CDK5RAP2: variants seen among roughly 807,000 people sequenced by gnomAD.
CDK5RAP2 encodes the protein CDK5 regulatory subunit-associated protein 2.
In CDK5RAP2, 147 loss-of-function variants were observed where a neutral mutation model predicts 232.9. That is an observed-to-expected ratio of 0.63 (90% CI 0.55 to 0.72). The LOEUF (loss-of-function observed/expected upper bound fraction) is 0.72. Ranked by LOEUF, CDK5RAP2 falls within the 30% of genes least tolerant of loss-of-function variation. The pLI is 0.00. For synonymous variants in CDK5RAP2, 833 were observed against 833.7 expected, an observed-to-expected ratio of 1.00 and a Z score of 0.01; for missense variants, 2,195 against 2,231.5, an observed-to-expected ratio of 0.98 and a Z score of 0.33.
chr9:120,484,683 C>T (rs2038499254), intron 14 of CDK5RAP2, among the ~76,000 whole-genome samples: 1 of 152,028 alleles, frequency 6.6e-6, no homozygotes, highest in African/African-American at 2.4e-5. Flanking sequence ...AAGGTCATGG[C>T]ACTGCACTCC....
At position 120,563,480 on chromosome 9, in the gene CDK5RAP2, T is replaced by C. The variant is rs140370898; in HGVS notation, c.195+4841A>G. Among the ~76,000 whole-genome samples the C allele has an allele frequency of 5.0e-3, 759 of 152,204 alleles. 7 individuals are homozygous for C. Among genetic ancestry groups the C allele is most frequent in the Non-Finnish European group, 7.0e-3 (478 of 67,992 alleles). On this transcript the variant is annotated intron_variant, in intron 3 of 37. Coordinates refer to ENST00000349780, the MANE Select transcript of CDK5RAP2 (RefSeq NM_018249.6). ...GCAGTGGTTGTAGTCAACGGAATCT[T>C]TGGATTAGAGCAGACAGACATCAGC...
At position 120,437,347 on chromosome 9, in the gene CDK5RAP2, C is replaced by T; in HGVS notation, c.3903G>A (p.Gln1301=). Residue 1301 remains glutamine, a synonymous_variant, in exon 25 of 38, where the codon CAG becomes CAA. Transcript: ENST00000349780. ...CCAGCAGCTCAGCACATTGATTCAG[C>T]TGTTCCTGGAAACCCTCGGCCACAC... The part of the protein sequence containing the change: ...DYCVAEGFQE[Q]LNQCAELLEK... The T allele has an allele frequency of 1.2e-6, 2 of 1,614,138 alleles. No individual in the cohort carries two copies. Among genetic ancestry groups the T allele is most frequent in the Non-Finnish European group, 1.7e-6 (2 of 1,180,000 alleles).
intron 27 of CDK5RAP2, among the ~76,000 whole-genome samples, chr9:120,416,152 C>CGG (rs540307624): frequency 7.2e-4 from 110 of 152,242 alleles, no homozygotes; most frequent in African/African-American, 2.6e-3. Context: ...AGACACCGGC[C>CGG]GGGCGTCCTC....
In CDK5RAP2 at chr9:120,419,851, G is replaced by A. The variant is rs746967357; in HGVS notation, c.4114C>T (p.Arg1372Ter). Residue 1372 changes from arginine (R) to a stop codon, truncating the protein, a stop_gained, in exon 27 of 38, where the codon CGA becomes TGA. Transcript: ENST00000349780. LOFTEE classifies it high-confidence loss of function. ...GTCTCATTATCTTGCTTCTGGTCTC[G>A]TGAGAAGAAGGACTTTTCAGATGTT... ...YETSEKSFFS[R>*]DQKQDNETEK... The A allele has an allele frequency of 2.9e-5, 46 of 1,613,584 alleles. No homozygotes were observed. The highest frequency in any genetic ancestry group is 4.5e-5 in the East Asian group (2 of 44,892).
At chr9:120,445,650 T>C (rs913957233) in intron 22 of CDK5RAP2, among the ~76,000 whole-genome samples, 5 of 152,190 alleles carry the variant, frequency 3.3e-5, no homozygotes, top group African/African-American at 1.2e-4. Context: ...CTTACTCAGC[T>C]TCTGGGGAGT....
At position 120,419,895 on chromosome 9, in the gene CDK5RAP2, T is replaced by C; in HGVS notation, c.4070A>G (p.His1357Arg). Residue 1357 changes from histidine (H) to arginine (R), a missense_variant, in exon 27 of 38, where the codon CAT (histidine) becomes CGT (arginine). His to Arg is a conservative substitution (Grantham distance 29). Transcript: ENST00000349780. The stretch of plus-strand genomic sequence containing the variant: ...AGATGTTTCATAATCAGAGAGCGCA[T>C]GAGAGGCTGAAGGCTCAGGAGATTC... The part of the protein sequence containing the change: ...LPESPEPSAS[H>R]ALSDYETSEK... The C allele has an allele frequency of 6.2e-7, 1 of 1,613,856 alleles. No homozygotes were observed. Among genetic ancestry groups the C allele is most frequent in the Non-Finnish European group, 8.5e-7 (1 of 1,179,744 alleles).
chr9:120,471,541 G>A (rs947473417), intron 16 of CDK5RAP2, among the ~76,000 whole-genome samples: 1 of 152,194 alleles, frequency 6.6e-6, no homozygotes, highest in Non-Finnish European at 1.5e-5. Flanking sequence ...AAGCAATCCT[G>A]CACCTGACCT....
intron 8 of CDK5RAP2, 103 bp from the exon 9 acceptor site, chr9:120,528,900 C>G (rs1180678084): frequency 2.5e-6 from 2 of 812,640 alleles, no homozygotes; most frequent in Non-Finnish European, 4.3e-6. Context: ...CACCTTCCCC[C>G]ACTACTGTGG....
intron 15 of CDK5RAP2, among the ~76,000 whole-genome samples, chr9:120,474,290 T>C (rs1385334125): frequency 2.0e-5 from 3 of 152,216 alleles, no homozygotes; most frequent in East Asian, 3.8e-4. Context: ...CCAAGATTGC[T>C]GATTTTCATG....
intron 11 of CDK5RAP2, among the ~76,000 whole-genome samples, chr9:120,520,396 C>T (rs2040561611): frequency 6.6e-6 from 1 of 152,194 alleles, no homozygotes; most frequent in Non-Finnish European, 1.5e-5. Context: ...AATCCCAGCA[C>T]TTTGGGAGGC....
chr9:120,408,473 G>A lies in CDK5RAP2; in HGVS notation c.4605-5C>T. The A allele has an allele frequency of 6.2e-7, 1 of 1,614,096 alleles. No individual in the cohort carries two copies. The highest frequency in any genetic ancestry group is 8.5e-7 in the Non-Finnish European group (1 of 1,179,996). ...AACTTCACCTCCTCCTGCACCCTGA[G>A]AAGGCCCCACAGGCATGAGAAGGAC... On this transcript the variant is annotated splice_polypyrimidine_tract_variant and splice_region_variant and intron_variant, in intron 30 of 37. Transcript: ENST00000349780.
At chr9:120,446,944 C>T (rs76040458) in intron 22 of CDK5RAP2, among the ~76,000 whole-genome samples, 132 of 152,270 alleles carry the variant, frequency 8.7e-4, no homozygotes, top group African/African-American at 3.1e-3. Context: ...TATTTTCTCA[C>T]GTTGTACATA....
rs948437328 is a variant in CDK5RAP2 at position 120,402,939 on chromosome 9, C to A, written c.5174G>T (p.Arg1725Leu). 1 of 1,614,134 alleles carries A rather than the reference C, an allele frequency of 6.2e-7. No individual in the cohort carries two copies. Among genetic ancestry groups the A allele is most frequent in the Non-Finnish European group, 8.5e-7 (1 of 1,180,028 alleles). Residue 1725 changes from arginine to leucine, a missense_variant, in exon 34 of 38, where the codon CGC becomes CTC. By Grantham distance (102) the Arg-to-Leu change is moderately radical. Coordinates refer to ENST00000349780, the MANE Select transcript of CDK5RAP2 (RefSeq NM_018249.6). ...GTCCTCAATCAGGCCCAGGACATGGCGGCCATTCTTGCTGGCCCACAGGTG... is the reference window on the plus strand; with the variant it reads ...GTCCTCAATCAGGCCCAGGACATGGAGGCCATTCTTGCTGGCCCACAGGTG... ...GHHLWASKNG[R>L]HVLGLIEDYE...
Position 120,460,650 on chromosome 9 carries a change from C to T in CDK5RAP2, c.2124G>A (p.Glu708=). 6.2e-7 allele frequency: 1 copy of T among 1,614,136 alleles called. No homozygotes were observed. The highest frequency in any genetic ancestry group is 1.1e-5 in the South Asian group (1 of 91,082). ...TEQTELLASK[E]DEDTIKIGED... ...CCCCAATTTTGATCGTGTCCTCGTC[C>T]TCCTTGCTAGCCAGAAGCTACATGG... The change falls in exon 19 of 38, where the codon GAG becomes GAA. Residue 708 remains glutamate, a synonymous_variant. Transcript: ENST00000349780.
intron 11 of CDK5RAP2, among the ~76,000 whole-genome samples, chr9:120,520,591 C>G (rs2040573842): frequency 6.6e-6 from 1 of 152,064 alleles, no homozygotes. Context: ...TGCAGTAAGC[C>G]AAGATTGCGC....
At chr9:120,546,345 T>C (rs1045929691) in intron 4 of CDK5RAP2, among the ~76,000 whole-genome samples, 3 of 152,212 alleles carry the variant, frequency 2.0e-5, no homozygotes, top group African/African-American at 7.2e-5. Context: ...AAGCTGTCTA[T>C]AAGGAGCACC....
chr9:120,504,151 GT>G (rs2039703068), intron 12 of CDK5RAP2, among the ~76,000 whole-genome samples: 1 of 152,108 alleles, frequency 6.6e-6, no homozygotes, highest in South Asian at 2.1e-4. Flanking sequence ...AAAATTAAGG[GT>G]TTGGGGTAGT....
At chr9:120,536,317 T>C in intron 7 of CDK5RAP2, 55 bp downstream of exon 7, 2 of 1,584,336 alleles carry the variant, frequency 1.3e-6, no homozygotes, top group Non-Finnish European at 1.7e-6. Flanking sequence ...AACAATTCTT[T>C]CCCCACGCTG....
intron 35 of CDK5RAP2, 34 bp from the exon 36 acceptor site, chr9:120,394,672 G>A (rs1395804095): frequency 6.7e-7 from 1 of 1,484,782 alleles, no homozygotes; most frequent in Admixed American, 1.7e-5. Flanking sequence ...AATGAACAAA[G>A]AACATAAACA....
Sources: gnomAD v4.1 joint callset for allele counts (sites outside exome capture counted in the v4.1 genomes callset) on GRCh38, gnomAD v4.1.1 for gene constraint, MANE v1.5 for transcripts, NCBI Gene and HGNC (gene_info 2026-07-23, HGNC 2026-07-21) for gene names.